Variants in ZNF236 observed in about 807,000 individuals in gnomAD.
ZNF236 encodes the protein zinc finger protein 236.
ZNF236 carries 50 observed loss-of-function variants against 191.2 expected under a neutral mutation model. The ratio of observed to expected loss-of-function variants is 0.26; its 90% CI spans 0.21 to 0.33. The LOEUF (loss-of-function observed/expected upper bound fraction) is 0.33, where lower values mean the gene tolerates loss of function less well. ZNF236 is among the 10% of genes least tolerant of loss of function. The pLI is 1.00. For missense variants in ZNF236, 1,754 were observed against 2,374.5 expected (o/e 0.74, Z 5.43); for synonymous variants, 907 against 928.8 (o/e 0.98, Z 0.43).
chr18:76,910,415 T>C (rs1264613829), intron 15 of ZNF236, among the ~76,000 whole-genome samples: 1 of 152,198 alleles, frequency 6.6e-6, no homozygotes, highest in Non-Finnish European at 1.5e-5. Flanking sequence ...AAAAGGTGGC[T>C]GAGTAGAAAT....
At chr18:76,895,439 G>C (rs1568217196) in intron 10 of ZNF236, 154 bp downstream of exon 10, 1 of 1,074,780 alleles carries the variant, frequency 9.3e-7, no homozygotes, top group Non-Finnish European at 1.3e-6. Context: ...ATCACACACA[G>C]TACTGCACGT....
At chr18:76,912,462 A>G (rs1967243073) in intron 17 of ZNF236, 115 bp downstream of exon 17, 1 of 668,262 alleles carries the variant, frequency 1.5e-6, no homozygotes, top group African/African-American at 1.8e-5. Context: ...ACTGTTCAAA[A>G]CAGTTCCATT....
chr18:76,968,908 A>T lies in ZNF236; in HGVS notation c.*569A>T, dbSNP rs908865413. 14 of 983,158 alleles carry T rather than the reference A, an allele frequency of 1.4e-5. No individual in the cohort carries two copies. In the East Asian group the frequency reaches 1.1e-3, roughly 80 times the overall value. The allele number at this position is 983,158 out of a possible 1,614,324, so 60.9% of individuals were successfully genotyped here. On this transcript the variant is annotated 3_prime_UTR_variant, in exon 31 of 31. Transcript: ENST00000320610. Reference sequence around the variant, plus strand: ...GTTAATATAACTGATACCTTGAGAGATGGCTGGACCAATTCTCTCCATGAC... The same window carrying T: ...GTTAATATAACTGATACCTTGAGAGTTGGCTGGACCAATTCTCTCCATGAC...
chr18:76,896,834 C>A (rs993731687), intron 10 of ZNF236, among the ~76,000 whole-genome samples: 3 of 151,800 alleles, frequency 2.0e-5, no homozygotes, highest in Non-Finnish European at 4.4e-5. Context: ...AGGGACCACA[C>A]AGTACTGTGC....
intron 5 of ZNF236, among the ~76,000 whole-genome samples, chr18:76,873,052 AAG>A (rs939925636): frequency 2.0e-5 from 3 of 152,174 alleles, no homozygotes; most frequent in South Asian, 2.1e-4. Context: ...TTTCTAGAGT[AAG>A]AGAGAAAGAA....
At chr18:76,861,746 G>A (rs901895875) in intron 3 of ZNF236, among the ~76,000 whole-genome samples, 6 of 152,124 alleles carry the variant, frequency 3.9e-5, no homozygotes, top group Admixed American at 2.0e-4. Context: ...GGGGTCCCCC[G>A]TATCACTATT....
chr18:76,960,918 C>T lies in ZNF236; in HGVS notation c.5419+63C>T, dbSNP rs1358666236. 7 of 1,506,728 alleles carry T rather than the reference C, an allele frequency of 4.6e-6. No individual in the cohort carries two copies. In the Admixed American group the frequency reaches 1.3e-4, roughly 28 times the overall value. The allele number at this position is 1,506,728 out of a possible 1,614,324, so 93.3% of individuals were successfully genotyped here. A position where few individuals can be genotyped will look rare whatever the true frequency, so the allele number is the denominator to read the frequency against. On this transcript the variant is annotated intron_variant, in intron 30 of 30. Transcript: ENST00000320610. The surrounding 1 kb of genome is among the most constrained non-coding windows in gnomAD (Gnocchi z 4.4). Reference sequence around the variant, plus strand: ...GGCCTGCGAGGCACCCTGTGTTTCGCATACATTGTTTCCTTTAGTTCACAC... The same window carrying T: ...GGCCTGCGAGGCACCCTGTGTTTCGTATACATTGTTTCCTTTAGTTCACAC...
At chr18:76,966,546 C>T (rs1205377871) in intron 30 of ZNF236, among the ~76,000 whole-genome samples, 1 of 152,162 alleles carries the variant, frequency 6.6e-6, no homozygotes, top group African/African-American at 2.4e-5. Context: ...AATAGCATCT[C>T]TGTCTGTCTT....
At chr18:76,903,355 G>A (rs191109119) in intron 11 of ZNF236, among the ~76,000 whole-genome samples, 1 of 152,348 alleles carries the variant, frequency 6.6e-6, no homozygotes, top group East Asian at 1.9e-4. Flanking sequence ...GGGCTCCCCA[G>A]CCTTAGGGAC....
rs542539975 is a variant in ZNF236 at position 76,912,333 on chromosome 18, C to T, written c.2895C>T (p.Ser965=). The part of the protein sequence containing the change: ...SQFLEDNEDQ[S]RRSYRCDYCN... ...TTCTGGAGGACAACGAGGACCAGAG[C>T]AGGCGCTCTTACAGGTAGTTGTCTG... Residue 965 remains serine (S), a synonymous_variant, in exon 17 of 31, where the codon AGC becomes AGT. Coordinates refer to ENST00000320610, the MANE Select transcript of ZNF236 (RefSeq NM_001306089.2). 2 of 1,613,968 alleles carry T rather than the reference C, an allele frequency of 1.2e-6. No homozygotes were observed. The highest frequency in any genetic ancestry group is 2.7e-5 in the African/African-American group (2 of 75,058).
chr18:76,868,027 T>G (rs1248887507), intron 3 of ZNF236, among the ~76,000 whole-genome samples: 8 of 152,192 alleles, frequency 5.3e-5, no homozygotes, highest in Admixed American at 5.2e-4. Flanking sequence ...ATATATTTAT[T>G]AAAATATGTC....
At chr18:76,891,781 T>A (rs551287683) in intron 9 of ZNF236, among the ~76,000 whole-genome samples, 2 of 152,240 alleles carry the variant, frequency 1.3e-5, no homozygotes, top group African/African-American at 2.4e-5. Context: ...GTTTTCCCAA[T>A]TGAAATGTAA....
chr18:76,870,441 G>C (rs1976548704), intron 4 of ZNF236, among the ~76,000 whole-genome samples: 1 of 152,216 alleles, frequency 6.6e-6, no homozygotes, highest in African/African-American at 2.4e-5. Context: ...ATGTTTAGGT[G>C]CTTGTGGCAC....
intron 29 of ZNF236, 102 bp downstream of exon 29, chr18:76,959,918 G>A (rs1968619708): frequency 1.9e-5 from 26 of 1,356,734 alleles, no homozygotes; most frequent in African/African-American, 2.9e-5. Flanking sequence ...GCGATGGAAT[G>A]CTTTATTTAT....
At position 76,915,992 on chromosome 18, in the gene ZNF236, A is replaced by G. The variant is rs138205346; in HGVS notation, c.3274+133A>G. 7.4e-5 allele frequency: 57 copies of G among 768,920 alleles called. No homozygotes were observed. In the African/African-American group the frequency reaches 7.7e-4, roughly 10 times the overall value. 47.6% of individuals were successfully genotyped at this position (768,920 alleles called of 1,614,324 possible). Reference sequence around the variant, plus strand: ...TCAGTAGCACCCTGAGTTTTTAATAATTTTATTTTCTGATTATGAAAGCCA... The same window carrying G: ...TCAGTAGCACCCTGAGTTTTTAATAGTTTTATTTTCTGATTATGAAAGCCA... On this transcript the variant is annotated intron_variant, in intron 19 of 30. Transcript: ENST00000320610.
At chr18:76,825,495 TCA>T (rs1360526096) in intron 1 of ZNF236, among the ~76,000 whole-genome samples, 2 of 152,196 alleles carry the variant, frequency 1.3e-5, no homozygotes, top group Non-Finnish European at 2.9e-5. Flanking sequence ...CCTTCATGTA[TCA>T]CAGTCAAGAA....
At chr18:76,861,949 C>T (rs542714194) in intron 3 of ZNF236, among the ~76,000 whole-genome samples, 2 of 152,326 alleles carry the variant, frequency 1.3e-5, no homozygotes, top group Non-Finnish European at 2.9e-5. Context: ...CTGCAAGCTC[C>T]ACCTCCTGGG....
intron 2 of ZNF236, among the ~76,000 whole-genome samples, chr18:76,850,098 C>T (rs558621941): frequency 1.1e-4 from 16 of 152,154 alleles, no homozygotes; most frequent in Non-Finnish European, 2.1e-4. Flanking sequence ...ATATTACATA[C>T]TATCTTAAAT....
intron 19 of ZNF236, among the ~76,000 whole-genome samples, chr18:76,917,956 C>T (rs1039394677): frequency 6.6e-6 from 1 of 152,110 alleles, no homozygotes; most frequent in Non-Finnish European, 1.5e-5. Context: ...CCTTTGCTCC[C>T]CTCTCTTTCT....
Sources: allele counts gnomAD v4.1 joint callset (sites outside exome capture counted in the v4.1 genomes callset), GRCh38; gene constraint gnomAD v4.1.1; non-coding constraint Gnocchi (gnomAD v3.1); transcripts MANE v1.5; gene names NCBI Gene and HGNC (gene_info 2026-07-23, HGNC 2026-07-21).